The following BRINP1 variants were observed in gnomAD, a reference collection of about 807,000 sequenced individuals.
BRINP1 encodes BMP/retinoic acid inducible neural specific 1, also known as BMP/retinoic acid-inducible neural-specific protein 1.
Under a neutral mutation model 72.9 loss-of-function variants are expected in BRINP1, and 17 were observed. The observed-to-expected ratio is 0.23, with a 90% CI of 0.16 to 0.35. The LOEUF (loss-of-function observed/expected upper bound fraction) is 0.35. BRINP1 is among the 10% of genes least tolerant of loss of function. The pLI is 1.00. For synonymous variants in BRINP1, 418 were observed against 378.5 expected (o/e 1.10, Z -1.21); for missense variants, 850 against 1,001.6 (o/e 0.85, Z 2.04).
chr9:119,354,867 T>C (rs1378842190), intron 1 of BRINP1, among the ~76,000 whole-genome samples: 2 of 152,082 alleles, frequency 1.3e-5, no homozygotes, highest in African/African-American at 4.8e-5. Context: ...AGACCCTGTC[T>C]CAGAGAAAAA....
At chr9:119,220,782 A>C (rs1564220865) in intron 5 of BRINP1, among the ~76,000 whole-genome samples, 1 of 152,194 alleles carries the variant, frequency 6.6e-6, no homozygotes, top group Non-Finnish European at 1.5e-5. Flanking sequence ...GGAAATAATG[A>C]ATATGGAAGA....
intron 2 of BRINP1, among the ~76,000 whole-genome samples, chr9:119,272,091 C>CAAA (rs59092561): frequency 8.4e-6 from 1 of 119,484 alleles, no homozygotes; most frequent in African/African-American, 3.0e-5. Context: ...TTTTTTGAGA[C>CAAA]AAAAAAAAAA....
chr9:119,308,109 A>G (rs1280081158), intron 2 of BRINP1, among the ~76,000 whole-genome samples: 1 of 152,272 alleles, frequency 6.6e-6, no homozygotes, highest in East Asian at 1.9e-4. Context: ...CAATTAACTT[A>G]TCACTGTTGT....
intron 1 of BRINP1, among the ~76,000 whole-genome samples, chr9:119,333,565 G>A (rs1831321526): frequency 6.6e-6 from 1 of 151,862 alleles, no homozygotes; most frequent in Admixed American, 6.6e-5. Context: ...TGGAGGTGAG[G>A]TCCAAAAATC....
rs1216971794 is a variant in BRINP1, at chr9:119,357,493, A to G, written c.-51+11563T>C. On this transcript the variant is annotated intron_variant, in intron 1 of 7. Coordinates refer to ENST00000265922, the MANE Select transcript of BRINP1 (RefSeq NM_014618.3). ...TTCTATAACTACTGATCCTGGTGTC[A>G]GCAGCATTTGAACTAAGGGTGCAGA... Among the ~76,000 whole-genome samples the G allele has an allele frequency of 2.6e-5, 4 of 152,204 alleles. No homozygotes were observed. The South Asian group carries it at 8.3e-4, about 31-fold the overall frequency.
intron 2 of BRINP1, among the ~76,000 whole-genome samples, chr9:119,275,282 C>G (rs973842909): frequency 2.6e-5 from 4 of 152,194 alleles, no homozygotes; most frequent in African/African-American, 9.7e-5. Context: ...AGTTTGTTAA[C>G]ATCAAATCAT....
chr9:119,193,078 T>C (rs1829699394), intron 7 of BRINP1, among the ~76,000 whole-genome samples: 1 of 152,172 alleles, frequency 6.6e-6, no homozygotes, highest in South Asian at 2.1e-4. Context: ...GTAAATACTA[T>C]GACATGGTTA....
chr9:119,168,034 G>A lies in BRINP1; in HGVS notation c.1336C>T (p.Leu446Phe), dbSNP rs200473097. Residue 446 changes from leucine (L) to phenylalanine (F), a missense_variant, in exon 8 of 8, where the codon CTC becomes TTC. Coordinates refer to ENST00000265922, the MANE Select transcript of BRINP1 (RefSeq NM_014618.3). ...TAGCCCTTGTTGCAGGAGCCGCAGAGGGAGATGTTGGCCAGGCTGCACATG... is the reference window on the plus strand; with the variant it reads ...TAGCCCTTGTTGCAGGAGCCGCAGAAGGAGATGTTGGCCAGGCTGCACATG... Reference protein sequence around the residue: ...CAMCSLANISLCGSCNKGYKL... With the variant: ...CAMCSLANISFCGSCNKGYKL... The A allele has an allele frequency of 6.2e-7, 1 of 1,612,688 alleles. No homozygotes were observed. The highest frequency in any genetic ancestry group is 8.5e-7 in the Non-Finnish European group (1 of 1,178,932).
chr9:119,265,429 T>A (rs1329644755), intron 2 of BRINP1, among the ~76,000 whole-genome samples: 1 of 151,826 alleles, frequency 6.6e-6, no homozygotes, highest in East Asian at 1.9e-4. Flanking sequence ...GCAAAACTCT[T>A]GTCTCTACTA....
chr9:119,342,235 T>G (rs1453938310), intron 1 of BRINP1, among the ~76,000 whole-genome samples: 1 of 152,216 alleles, frequency 6.6e-6, no homozygotes, highest in Non-Finnish European at 1.5e-5. Flanking sequence ...TAAATAATAC[T>G]TTTTTCAGTT....
chr9:119,346,179 A>C (rs1324621), intron 1 of BRINP1, among the ~76,000 whole-genome samples: 39,038 of 152,110 alleles, frequency 0.26, 6,047 homozygotes, highest in Non-Finnish European at 0.34. Context: ...ACTCATTTAC[A>C]TACATATTTA....
intron 5 of BRINP1, among the ~76,000 whole-genome samples, chr9:119,217,478 TC>T (rs1829990101): frequency 6.6e-6 from 1 of 152,188 alleles, no homozygotes; most frequent in African/African-American, 2.4e-5. Context: ...TATTTGAACA[TC>T]AACTCACCCA....
intron 7 of BRINP1, among the ~76,000 whole-genome samples, chr9:119,199,067 G>C (rs980386477): frequency 6.6e-6 from 1 of 152,164 alleles, no homozygotes; most frequent in Non-Finnish European, 1.5e-5. Flanking sequence ...CAACTCTGTG[G>C]GGTAGCTATT....
chr9:119,342,648 T>G (rs1051876672), intron 1 of BRINP1, among the ~76,000 whole-genome samples: 4 of 152,180 alleles, frequency 2.6e-5, no homozygotes, highest in African/African-American at 7.2e-5. Flanking sequence ...GTATGCCTGG[T>G]CTTGGATATA....
At chr9:119,178,162 A>G (rs1456051848) in intron 7 of BRINP1, among the ~76,000 whole-genome samples, 4 of 152,096 alleles carry the variant, frequency 2.6e-5, no homozygotes, top group Non-Finnish European at 5.9e-5. Flanking sequence ...AGATGCAGCC[A>G]AGGCATCATC....
intron 5 of BRINP1, among the ~76,000 whole-genome samples, chr9:119,216,645 C>T (rs1235187707): frequency 6.6e-6 from 1 of 152,064 alleles, no homozygotes; most frequent in Non-Finnish European, 1.5e-5. Context: ...GTGTATGGAT[C>T]GGGGTTAAGT....
chr9:119,248,941 C>A lies in BRINP1; in HGVS notation c.409+19G>T. 6.2e-7 allele frequency: 1 copy of A among 1,604,248 alleles called. No homozygotes were observed. The highest frequency in any genetic ancestry group is 8.5e-7 in the Non-Finnish European group (1 of 1,173,160). On this transcript the variant is annotated intron_variant, in intron 3 of 7. Coordinates refer to ENST00000265922, the MANE Select transcript of BRINP1 (RefSeq NM_014618.3). ...CCCAAAGTCATGAGAAGGCTCTGGC[C>A]CAGTGGCTGCTGACCTACCTCCCAA...
intron 1 of BRINP1, among the ~76,000 whole-genome samples, chr9:119,356,037 T>G (rs1296047784): frequency 6.6e-6 from 1 of 152,192 alleles, no homozygotes; most frequent in Non-Finnish European, 1.5e-5. Flanking sequence ...AAGATCGAGA[T>G]AGAGATCTAA....
chr9:119,213,414 C>T (rs982055924), intron 6 of BRINP1, among the ~76,000 whole-genome samples: 1 of 152,170 alleles, frequency 6.6e-6, no homozygotes, highest in East Asian at 1.9e-4. Context: ...AACTAAGATA[C>T]CAGAAAAGAG....
Sources: gnomAD v4.1 joint callset for allele counts (sites outside exome capture counted in the v4.1 genomes callset) on GRCh38, gnomAD v4.1.1 for gene constraint, MANE v1.5 for transcripts, NCBI Gene and HGNC (gene_info 2026-07-23, HGNC 2026-07-21) for gene names.